The following GRID2 variants were observed in gnomAD, a reference collection of about 807,000 sequenced individuals.
GRID2 encodes the protein glutamate receptor ionotropic, delta-2.
GRID2 carries 33 observed loss-of-function variants against 114.8 expected under a neutral mutation model. The ratio of observed to expected loss-of-function variants is 0.29; its 90% CI spans 0.22 to 0.38. The LOEUF (loss-of-function observed/expected upper bound fraction) is 0.38, where lower values mean the gene tolerates loss of function less well. GRID2 is among the 10% of genes least tolerant of loss of function. The pLI is 1.00. For synonymous variants in GRID2, 505 were observed against 449.9 expected (o/e 1.12, Z -1.55); for missense variants, 1,184 against 1,257.7 (o/e 0.94, Z 0.89).
intron 1 of GRID2, among the ~76,000 whole-genome samples, chr4:92,585,096 G>T (rs1481203217): frequency 6.6e-6 from 1 of 151,852 alleles, no homozygotes; most frequent in African/African-American, 2.4e-5. Context: ...GAGCACAGTG[G>T]CTTGGCTTTG....
At chr4:92,428,264 GTAA>G (rs772512359) in intron 1 of GRID2, among the ~76,000 whole-genome samples, 8 of 150,982 alleles carry the variant, frequency 5.3e-5, no homozygotes, top group South Asian at 2.1e-4. Context: ...TCCTCACAAA[GTAA>G]TAATAATAAT....
intron 13 of GRID2, among the ~76,000 whole-genome samples, chr4:93,607,930 C>G (rs1334755264): frequency 6.6e-6 from 1 of 151,780 alleles, no homozygotes; most frequent in Non-Finnish European, 1.5e-5. Flanking sequence ...TGTTTGTCCC[C>G]CATGTTCCAA....
intron 1 of GRID2, among the ~76,000 whole-genome samples, chr4:92,356,179 T>C (rs1011188248): frequency 1.3e-5 from 2 of 151,658 alleles, no homozygotes; most frequent in South Asian, 4.1e-4. Flanking sequence ...TAAAATTTTA[T>C]ATAAAATGAC....
At chr4:93,675,939 T>G (rs1376020528) in intron 14 of GRID2, among the ~76,000 whole-genome samples, 1 of 152,248 alleles carries the variant, frequency 6.6e-6, no homozygotes, top group African/African-American at 2.4e-5. Context: ...AAAGATAGCT[T>G]CCTTCAACTG....
At chr4:92,343,486 A>G (rs1161958749) in intron 1 of GRID2, among the ~76,000 whole-genome samples, 1 of 152,094 alleles carries the variant, frequency 6.6e-6, no homozygotes, top group African/African-American at 2.4e-5. Flanking sequence ...CTCATAGCCT[A>G]CTGTAGACTG....
chr4:92,352,922 T>A (rs1229330414), intron 1 of GRID2, among the ~76,000 whole-genome samples: 1 of 152,046 alleles, frequency 6.6e-6, no homozygotes, highest in African/African-American at 2.4e-5. Context: ...GTGTCTTCCA[T>A]CAAGTTTGAG....
intron 2 of GRID2, among the ~76,000 whole-genome samples, chr4:92,761,522 T>C (rs1479842809): frequency 6.6e-6 from 1 of 152,116 alleles, no homozygotes; most frequent in Non-Finnish European, 1.5e-5. Flanking sequence ...TTATTTGAGG[T>C]CAAAAGTGAC....
intron 14 of GRID2, among the ~76,000 whole-genome samples, chr4:93,705,977 G>A (rs1477107994): frequency 6.6e-6 from 1 of 152,034 alleles, no homozygotes; most frequent in African/African-American, 2.4e-5. Context: ...TAAGTTGGAA[G>A]TGAGCTCACT....
At chr4:93,584,486 T>C (rs1737338686) in intron 13 of GRID2, among the ~76,000 whole-genome samples, 1 of 152,094 alleles carries the variant, frequency 6.6e-6, no homozygotes, top group African/African-American at 2.4e-5. Flanking sequence ...GAAAATGTTG[T>C]TTTTTGACAT....
chr4:92,558,755 C>G (rs547642476), intron 1 of GRID2, among the ~76,000 whole-genome samples: 18 of 151,684 alleles, frequency 1.2e-4, no homozygotes, highest in Non-Finnish European at 2.1e-4. Context: ...CATTGTATTC[C>G]CTGTGTCCAG....
At chr4:92,952,083 T>G (rs1752080872) in intron 2 of GRID2, among the ~76,000 whole-genome samples, 1 of 152,194 alleles carries the variant, frequency 6.6e-6, no homozygotes, top group Non-Finnish European at 1.5e-5. Context: ...GTTAAATTGT[T>G]TGATCAAAGG....
At chr4:93,062,029 T>G (rs1727853986) in intron 2 of GRID2, among the ~76,000 whole-genome samples, 3 of 152,100 alleles carry the variant, frequency 2.0e-5, no homozygotes, top group Non-Finnish European at 2.9e-5. Flanking sequence ...ATTAGAATAT[T>G]TATAAGAGGT....
chr4:92,936,102 T>C (rs1238057756), intron 2 of GRID2, among the ~76,000 whole-genome samples: 1 of 146,782 alleles, frequency 6.8e-6, no homozygotes, highest in Non-Finnish European at 1.5e-5. Flanking sequence ...ATTGAAATGT[T>C]AAACAAAAGA....
chr4:92,457,562 A>T (rs2149084526), intron 1 of GRID2, among the ~76,000 whole-genome samples: 1 of 152,278 alleles, frequency 6.6e-6, no homozygotes, highest in South Asian at 2.1e-4. Flanking sequence ...GGGATGTCTC[A>T]TCCTGAGGAA....
chr4:92,807,119 T>A (rs1019965392), intron 2 of GRID2, among the ~76,000 whole-genome samples: 1 of 152,078 alleles, frequency 6.6e-6, no homozygotes, highest in Non-Finnish European at 1.5e-5. Flanking sequence ...TATATGATCA[T>A]GCCTCAATAT....
chr4:92,786,536 GAA>G (rs1381842080), intron 2 of GRID2, among the ~76,000 whole-genome samples: 1 of 151,776 alleles, frequency 6.6e-6, no homozygotes, highest in Non-Finnish European at 1.5e-5. Context: ...AAGAAAGAAA[GAA>G]AGAATATTCA....
At chr4:93,479,876 C>T (rs1168973521) in intron 11 of GRID2, among the ~76,000 whole-genome samples, 1 of 152,022 alleles carries the variant, frequency 6.6e-6, no homozygotes, top group East Asian at 1.9e-4. Context: ...GTTCCTGAAT[C>T]CAGTTGACAC....
At chr4:93,040,267 G>A (rs915893899) in intron 2 of GRID2, among the ~76,000 whole-genome samples, 4 of 150,494 alleles carry the variant, frequency 2.7e-5, no homozygotes, top group Non-Finnish European at 3.0e-5. Context: ...GTCATTAAAA[G>A]CAGGAGTTAC....
chr4:92,906,691 T>C (rs966134422), intron 2 of GRID2, among the ~76,000 whole-genome samples: 1 of 152,144 alleles, frequency 6.6e-6, no homozygotes, highest in Non-Finnish European at 1.5e-5. Context: ...TGATCTTGGC[T>C]CACTGCAACC....
Sources: gnomAD v4.1 joint callset for allele counts (sites outside exome capture counted in the v4.1 genomes callset) on GRCh38, gnomAD v4.1.1 for gene constraint, MANE v1.5 for transcripts, NCBI Gene and HGNC (gene_info 2026-07-23, HGNC 2026-07-21) for gene names.